Variants in PNPLA4 observed in about 807,000 individuals in gnomAD.
PNPLA4 encodes the protein patatin-like phospholipase domain-containing protein 4.
Under a neutral mutation model 18.3 loss-of-function variants are expected in PNPLA4, and 15 were observed. The observed-to-expected ratio is 0.82, with a 90% CI of 0.55 to 1.26. The LOEUF is 1.26. PNPLA4 is among the 50% of genes most tolerant of loss of function. The pLI, the probability that PNPLA4 is intolerant of heterozygous loss-of-function variation, is 0.00. For synonymous variants in PNPLA4, 88 were observed against 85.6 expected (o/e 1.03, Z -0.16); for missense variants, 229 against 196.8 (o/e 1.16, Z -0.98).
chrX:7,902,984 A>T (rs1197523486), intron 5 of PNPLA4, among the ~76,000 whole-genome samples: 1 of 112,108 alleles, frequency 8.9e-6, no homozygotes, highest in Non-Finnish European at 1.9e-5. Context: ...ACATGGAAAT[A>T]ACACCCAAAT....
rs2146746776 is a variant in PNPLA4, at chrX:7,898,878, A to G, written c.*1808T>C. On this transcript the variant is annotated 3_prime_UTR_variant, in exon 7 of 7. Transcript: ENST00000381042. ...ACAATGAGATTTGGTTTTGCAGCTT[A>G]AATTTCTTCAATTTAAGGGTACATC... is the stretch of plus-strand genomic sequence containing the variant. The G allele has an allele frequency of 8.9e-6, 1 of 112,239 alleles. No homozygotes were observed. The highest frequency in any genetic ancestry group is 2.8e-4 in the East Asian group (1 of 3,582). The allele number at this position is 112,239 out of a possible 1,213,427, so 9.2% of individuals were successfully genotyped here.
intron 5 of PNPLA4, among the ~76,000 whole-genome samples, chrX:7,905,961 C>G (rs1338003628): frequency 8.9e-6 from 1 of 112,398 alleles, no homozygotes; most frequent in East Asian, 2.8e-4. Context: ...AATAAAACAT[C>G]TATTGCTATA....
At chrX:7,924,246 CTCT>C (rs1169711092) in intron 2 of PNPLA4, among the ~76,000 whole-genome samples, 1 of 111,529 alleles carries the variant, frequency 9.0e-6, no homozygotes, top group African/African-American at 3.3e-5. Context: ...TCAGGTGCTC[CTCT>C]TAATTATTCA....
intron 5 of PNPLA4, among the ~76,000 whole-genome samples, chrX:7,902,421 T>C (rs1923569891): frequency 8.9e-6 from 1 of 111,864 alleles, no homozygotes; most frequent in Admixed American, 9.5e-5. Context: ...TGTAATTAGA[T>C]TGGGGTTCAT....
At chrX:7,913,567 G>T (rs1379002271) in intron 4 of PNPLA4, among the ~76,000 whole-genome samples, 1 of 112,535 alleles carries the variant, frequency 8.9e-6, no homozygotes, top group Non-Finnish European at 1.9e-5. Context: ...AAGAAGGTAA[G>T]AAATAGCCAA....
chrX:7,921,437 C>T (rs938523130), intron 4 of PNPLA4, among the ~76,000 whole-genome samples: 4 of 112,004 alleles, frequency 3.6e-5, no homozygotes, highest in Non-Finnish European at 7.5e-5. Flanking sequence ...ACTGCATCAG[C>T]GACTTGCTTC....
At chrX:7,910,318 C>T (rs1413028152) in intron 5 of PNPLA4, among the ~76,000 whole-genome samples, 1 of 111,109 alleles carries the variant, frequency 9.0e-6, no homozygotes, top group Non-Finnish European at 1.9e-5. Flanking sequence ...GACACTGCCT[C>T]GATCCTATTA....
chrX:7,904,772 G>A (rs1467140001), intron 5 of PNPLA4, among the ~76,000 whole-genome samples: 1 of 111,993 alleles, frequency 8.9e-6, no homozygotes, highest in South Asian at 3.7e-4. Flanking sequence ...TGCTTCATGG[G>A]CAGCATTTTA....
chrX:7,903,956 T>C (rs890192462), intron 5 of PNPLA4, among the ~76,000 whole-genome samples: 2 of 110,641 alleles, frequency 1.8e-5, no homozygotes, highest in Non-Finnish European at 3.8e-5. Flanking sequence ...TATGTATACA[T>C]AAAATATAGC....
At chrX:7,910,366 G>C (rs1201558393) in intron 5 of PNPLA4, among the ~76,000 whole-genome samples, 8 of 111,285 alleles carry the variant, frequency 7.2e-5, no homozygotes, top group Non-Finnish European at 1.1e-4. Context: ...TTTGTTGAGA[G>C]ACCATCAATT....
chrX:7,907,501 G>C (rs1456095593), intron 5 of PNPLA4, among the ~76,000 whole-genome samples: 1 of 112,106 alleles, frequency 8.9e-6, no homozygotes, highest in Non-Finnish European at 1.9e-5. Flanking sequence ...CTAAATGTGT[G>C]AACATTCCTG....
At chrX:7,923,748 T>C (rs1036117893) in intron 2 of PNPLA4, among the ~76,000 whole-genome samples, 1 of 111,425 alleles carries the variant, frequency 9.0e-6, no homozygotes, top group Non-Finnish European at 1.9e-5. Context: ...TGTGTCCCTA[T>C]GGCGAGCCAC....
At chrX:7,920,277 A>G (rs749385006) in intron 4 of PNPLA4, among the ~76,000 whole-genome samples, 43 of 111,302 alleles carry the variant, frequency 3.9e-4, no homozygotes, top group African/African-American at 1.4e-3. Flanking sequence ...AAACAAGAGG[A>G]TGCATGTCTG....
Position 7,900,392 on chromosome X carries a change from T to G in PNPLA4, c.*294A>C, listed in dbSNP as rs1246918712. 3.6e-5 allele frequency: 5 copies of G among 140,550 alleles called. No individual in the cohort carries two copies. The highest frequency in any genetic ancestry group is 6.9e-5 in the Non-Finnish European group (5 of 72,436). 11.6% of individuals were successfully genotyped at this position (140,550 alleles called of 1,213,427 possible). A position where few individuals can be genotyped will look rare whatever the true frequency, so the allele number is the denominator to read the frequency against. On this transcript the variant is annotated 3_prime_UTR_variant, in exon 7 of 7. Coordinates refer to ENST00000381042, the MANE Select transcript of PNPLA4 (RefSeq NM_004650.3). Reference sequence around the variant, plus strand: ...CTAAGTGGTGGCCCTCCATTTTCCATGTTCCTCAATTTACCCAAAGAACCT... The same window carrying G: ...CTAAGTGGTGGCCCTCCATTTTCCAGGTTCCTCAATTTACCCAAAGAACCT...
intron 2 of PNPLA4, among the ~76,000 whole-genome samples, chrX:7,922,993 C>A (rs1156553148): frequency 8.9e-6 from 1 of 112,220 alleles, no homozygotes; most frequent in Non-Finnish European, 1.9e-5. Context: ...AAATAAATAA[C>A]AACAGGTAAA....
intron 4 of PNPLA4, among the ~76,000 whole-genome samples, chrX:7,921,395 A>G (rs1480789066): frequency 8.9e-6 from 1 of 112,445 alleles, no homozygotes; most frequent in East Asian, 2.8e-4. Context: ...AGTATTAGCC[A>G]CATAAATTTC....
At chrX:7,920,940 C>T (rs1408968348) in intron 4 of PNPLA4, among the ~76,000 whole-genome samples, 1 of 112,567 alleles carries the variant, frequency 8.9e-6, no homozygotes, top group African/African-American at 3.2e-5. Context: ...TAGGTACGTA[C>T]ATCACATAAA....
At chrX:7,906,661 G>A (rs1330849646) in intron 5 of PNPLA4, among the ~76,000 whole-genome samples, 2 of 112,380 alleles carry the variant, frequency 1.8e-5, no homozygotes, top group African/African-American at 6.5e-5. Flanking sequence ...AATCTAGCTG[G>A]TGGCAAGGCC....
At chrX:7,908,646 G>A (rs1488192144) in intron 5 of PNPLA4, among the ~76,000 whole-genome samples, 1 of 111,947 alleles carries the variant, frequency 8.9e-6, no homozygotes, top group Non-Finnish European at 1.9e-5. Flanking sequence ...AGGCCGCTGT[G>A]GCTCTCTGTC....
Sources: gnomAD v4.1 joint callset for allele counts (sites outside exome capture counted in the v4.1 genomes callset) on GRCh38, gnomAD v4.1.1 for gene constraint, MANE v1.5 for transcripts, NCBI Gene and HGNC (gene_info 2026-07-23, HGNC 2026-07-21) for gene names.